ADAMTS17: variants seen among roughly 807,000 people sequenced by gnomAD.
ADAMTS17 encodes ADAM metallopeptidase with thrombospondin type 1 motif 17, also known as A disintegrin and metalloproteinase with thrombospondin motifs 17.
ADAMTS17 carries 113 observed loss-of-function variants against 141.5 expected under a neutral mutation model. That is an observed-to-expected ratio of 0.80 (90% CI 0.69 to 0.93). The LOEUF (loss-of-function observed/expected upper bound fraction) is 0.93. Among genes scored for constraint, ADAMTS17 ranks in the 40% least tolerant of loss-of-function variants. The pLI is 0.00. For synonymous variants in ADAMTS17, 768 were observed against 630.6 expected (o/e 1.22, Z -3.27); for missense variants, 1,659 against 1,517.9 (o/e 1.09, Z -1.54).
intron 12 of ADAMTS17, among the ~76,000 whole-genome samples, chr15:100,130,966 C>G (rs1462340756): frequency 6.6e-6 from 1 of 152,074 alleles, no homozygotes; most frequent in African/African-American, 2.4e-5. Context: ...GGAACCAACC[C>G]AAATGCCCAT....
intron 8 of ADAMTS17, among the ~76,000 whole-genome samples, chr15:100,155,784 C>G (rs557989762): frequency 3.3e-5 from 5 of 152,348 alleles, no homozygotes; most frequent in African/African-American, 1.2e-4. Context: ...AGCCTTCCAA[C>G]TCATTACAGA....
At position 100,063,458 on chromosome 15, in the gene ADAMTS17, C is replaced by A. The variant is rs559565381; in HGVS notation, c.2138-9404G>T. Among the ~76,000 whole-genome samples, 4 of 152,300 alleles carry A rather than the reference C, an allele frequency of 2.6e-5. No individual in the cohort carries two copies. In the South Asian group the frequency reaches 8.3e-4, roughly 32 times the overall value. On this transcript the variant is annotated intron_variant, in intron 15 of 21. Coordinates refer to ENST00000268070, the MANE Select transcript of ADAMTS17 (RefSeq NM_139057.4). ...TTCCTGTCCCAAGCTTGTCTTCCAT[C>A]ATTTTCCTTCCTGTTCCCGCCCCTA...
chr15:100,337,526 C>T (rs1047964007), intron 2 of ADAMTS17, among the ~76,000 whole-genome samples: 52 of 152,338 alleles, frequency 3.4e-4, no homozygotes, highest in African/African-American at 1.2e-3. Context: ...TGACCTGGAA[C>T]GCGGTTATGG....
intron 15 of ADAMTS17, among the ~76,000 whole-genome samples, chr15:100,084,543 C>G (rs1298525317): frequency 6.6e-6 from 1 of 152,210 alleles, no homozygotes; most frequent in African/African-American, 2.4e-5. Context: ...CAGACTGCCT[C>G]CTCAAGTTGG....
intron 4 of ADAMTS17, among the ~76,000 whole-genome samples, chr15:100,270,651 G>C (rs2043873963): frequency 6.6e-6 from 1 of 151,484 alleles, no homozygotes; most frequent in Non-Finnish European, 1.5e-5. Flanking sequence ...ACCAGGCACT[G>C]ACAAAATGTT....
chr15:100,165,328 A>G (rs997997054), intron 8 of ADAMTS17, among the ~76,000 whole-genome samples: 4 of 152,178 alleles, frequency 2.6e-5, no homozygotes, highest in Non-Finnish European at 4.4e-5. Context: ...GCAGCATATG[A>G]GCACCTAGGT....
intron 3 of ADAMTS17, among the ~76,000 whole-genome samples, chr15:100,329,815 C>T (rs964110496): frequency 1.3e-4 from 20 of 152,148 alleles, no homozygotes; most frequent in African/African-American, 4.6e-4. Flanking sequence ...CCATCCAGTC[C>T]ACACACAGCA....
intron 8 of ADAMTS17, among the ~76,000 whole-genome samples, chr15:100,185,530 C>T (rs2040683075): frequency 6.6e-6 from 1 of 152,192 alleles, no homozygotes; most frequent in Non-Finnish European, 1.5e-5. Context: ...AACCCCTAAG[C>T]CAGAAGGCAG....
chr15:100,023,865 C>T lies in ADAMTS17; in HGVS notation c.2591+24992G>A, dbSNP rs185927311. On this transcript the variant is annotated intron_variant, in intron 18 of 21. Transcript: ENST00000268070. Reference sequence around the variant, plus strand: ...CACTTTAGTTTATCTCTTCTATTGCCGTATTTTCTGCTTAGTAGAACTTAT... The same window carrying T: ...CACTTTAGTTTATCTCTTCTATTGCTGTATTTTCTGCTTAGTAGAACTTAT... Among the ~76,000 whole-genome samples, 5 of 152,262 alleles carry T rather than the reference C, an allele frequency of 3.3e-5. No individual in the cohort carries two copies. In the South Asian group the frequency reaches 8.3e-4, roughly 25 times the overall value.
intron 3 of ADAMTS17, among the ~76,000 whole-genome samples, chr15:100,302,689 T>G (rs912194806): frequency 6.6e-6 from 1 of 152,234 alleles, no homozygotes; most frequent in Admixed American, 6.5e-5. Context: ...TTTGTATACC[T>G]TCTTTAGAGA....
chr15:99,999,923 G>C (rs550080704), intron 18 of ADAMTS17, among the ~76,000 whole-genome samples: 24 of 152,292 alleles, frequency 1.6e-4, no homozygotes, highest in African/African-American at 5.8e-4. Flanking sequence ...CAATCCTCTT[G>C]GCAGAATCAT....
intron 3 of ADAMTS17, among the ~76,000 whole-genome samples, chr15:100,295,477 C>T (rs572140352): frequency 4.6e-5 from 7 of 152,254 alleles, no homozygotes; most frequent in Admixed American, 1.3e-4. Context: ...GCCTCCAGCT[C>T]TTGGGCTATT....
In ADAMTS17 at chr15:99,992,768, G is replaced by A. The variant is rs150942512; in HGVS notation, c.2949+280C>T. ...CAAGCCTGGCATCCAGGGCACCCGC[G>A]TCCTGCCTTGGGCTGCGTTTCGGGT... On this transcript the variant is annotated intron_variant, in intron 20 of 21. Transcript: ENST00000268070. 8.5e-5 allele frequency among the ~76,000 whole-genome samples: 13 copies of A among 152,346 alleles called. No individual in the cohort carries two copies. The Middle Eastern group carries it at 0.01, about 120-fold the overall frequency.
At chr15:100,306,918 T>C (rs1387484032) in intron 3 of ADAMTS17, among the ~76,000 whole-genome samples, 1 of 152,156 alleles carries the variant, frequency 6.6e-6, no homozygotes, top group Non-Finnish European at 1.5e-5. Flanking sequence ...AGCCCACAGC[T>C]TGAACATGAC....
intron 4 of ADAMTS17, among the ~76,000 whole-genome samples, chr15:100,276,552 C>T (rs920056364): frequency 1.1e-4 from 16 of 150,304 alleles, no homozygotes; most frequent in African/African-American, 3.4e-4. Context: ...GCCATCAGCA[C>T]GAATCATGCT....
intron 7 of ADAMTS17, 43 bp from the exon 8 acceptor site, chr15:100,199,466 G>A: frequency 6.4e-7 from 1 of 1,566,466 alleles, no homozygotes; most frequent in Non-Finnish European, 8.8e-7. Context: ...GAACGTGGGA[G>A]GCCCTGGTCT....
At chr15:100,156,543 T>G (rs902419517) in intron 8 of ADAMTS17, among the ~76,000 whole-genome samples, 1 of 152,218 alleles carries the variant, frequency 6.6e-6, no homozygotes, top group Non-Finnish European at 1.5e-5. Flanking sequence ...AGGGGGGGCA[T>G]CCTTACCAAT....
rs117521005 is a variant in ADAMTS17, at chr15:100,192,348, T to C, written c.1181+6970A>G. Among the ~76,000 whole-genome samples the C allele has an allele frequency of 4.0e-3, 603 of 152,354 alleles. 29 individuals carry two copies. In the East Asian group the frequency reaches 0.097, roughly 24 times the overall value. ...GCAGGAACCTGCTGGGAAACCTGTC[T>C]GGAGCCTGTCCAAGGCTCCATCCCT... On this transcript the variant is annotated intron_variant, in intron 8 of 21. Transcript: ENST00000268070.
At chr15:100,225,269 A>G (rs1480650828) in intron 7 of ADAMTS17, among the ~76,000 whole-genome samples, 1 of 152,260 alleles carries the variant, frequency 6.6e-6, no homozygotes, top group Non-Finnish European at 1.5e-5. Flanking sequence ...GGGGAAGAAC[A>G]TACAAATCAT....
Sources: gnomAD v4.1 joint callset for allele counts (sites outside exome capture counted in the v4.1 genomes callset) on GRCh38, gnomAD v4.1.1 for gene constraint, MANE v1.5 for transcripts, NCBI Gene and HGNC (gene_info 2026-07-23, HGNC 2026-07-21) for gene names.